The following ICE2 variants were observed in gnomAD, a reference collection of about 807,000 sequenced individuals.
ICE2 encodes the protein interactor of little elongation complex ELL subunit 2.
ICE2 carries 87 observed loss-of-function variants against 105.4 expected under a neutral mutation model. The ratio of observed to expected loss-of-function variants is 0.83; its 90% CI spans 0.69 to 0.99. ICE2 has a LOEUF of 0.99. ICE2 is among the 50% of genes least tolerant of loss of function. The pLI is 0.00. For synonymous variants in ICE2, 399 were observed against 392.0 expected (o/e 1.02, Z -0.21); for missense variants, 1,323 against 1,146.7 (o/e 1.15, Z -2.22).
chr15:60,433,106 A>G (rs938804439), intron 13 of ICE2, among the ~76,000 whole-genome samples: 4 of 150,248 alleles, frequency 2.7e-5, no homozygotes, highest in African/African-American at 9.8e-5. Flanking sequence ...TTTTTTTGAG[A>G]CAGAGTCTCG....
chr15:60,445,438 A>G (rs943052016), intron 11 of ICE2: 3 of 319,034 alleles, frequency 9.4e-6, no homozygotes, highest in Middle Eastern at 1.6e-3. Context: ...CATAATTCCA[A>G]GGGGCATACA....
At chr15:60,461,577 T>C (rs1169171734) in intron 5 of ICE2, among the ~76,000 whole-genome samples, 3 of 152,150 alleles carry the variant, frequency 2.0e-5, no homozygotes, top group Non-Finnish European at 4.4e-5. Flanking sequence ...TGGGGGAGAA[T>C]GAGAAGAGCA....
At chr15:60,468,014 C>T (rs1376750930) in intron 4 of ICE2, 47 bp downstream of exon 4, 1 of 1,432,060 alleles carries the variant, frequency 7.0e-7, no homozygotes, top group South Asian at 1.6e-5. Context: ...AAAAATATTT[C>T]CTAATTTTTA....
At chr15:60,465,288 C>G (rs1258769929) in intron 5 of ICE2, among the ~76,000 whole-genome samples, 1 of 151,966 alleles carries the variant, frequency 6.6e-6, no homozygotes, top group African/African-American at 2.4e-5. Context: ...ACCTCCTGGG[C>G]TTAAGTGATC....
intron 14 of ICE2, among the ~76,000 whole-genome samples, chr15:60,430,692 T>A (rs143763661): frequency 6.0e-4 from 91 of 152,304 alleles, no homozygotes; most frequent in Non-Finnish European, 1.0e-3. Flanking sequence ...AGTTAGATAA[T>A]AGAATTCTTC....
At chr15:60,464,793 G>A (rs911756017) in intron 5 of ICE2, among the ~76,000 whole-genome samples, 4 of 152,166 alleles carry the variant, frequency 2.6e-5, no homozygotes, top group Admixed American at 6.5e-5. Context: ...TGACGCAGAA[G>A]GATTTTTGAG....
chr15:60,452,945 T>C (rs1310371569), intron 9 of ICE2: 9 of 985,304 alleles, frequency 9.1e-6, no homozygotes, highest in Non-Finnish European at 1.1e-5. Context: ...AACTCTTAGA[T>C]ATGGGTCAGG....
chr15:60,444,695 T>A (rs751902783), intron 11 of ICE2, among the ~76,000 whole-genome samples: 18 of 152,194 alleles, frequency 1.2e-4, no homozygotes, highest in Non-Finnish European at 2.1e-4. Flanking sequence ...TATTATTATT[T>A]TTTTTTGAGA....
At chr15:60,474,311 A>G (rs1479670792) in intron 3 of ICE2, among the ~76,000 whole-genome samples, 1 of 152,162 alleles carries the variant, frequency 6.6e-6, no homozygotes, top group Non-Finnish European at 1.5e-5. Flanking sequence ...CAATCTGGCA[A>G]TATCTATCAA....
chr15:60,422,661 CCT>C lies in ICE2; in HGVS notation c.*971_*972del, dbSNP rs1200271581. ...ACCAGCCCGGCCAACATGGTAACAC[CCT>C]GTCTCTACTAAAAATACAAAAAAAA... On this transcript the variant is annotated 3_prime_UTR_variant, in exon 16 of 16. Transcript: ENST00000261520. 1 of 142,082 alleles carries C rather than the reference CCT, an allele frequency of 7.0e-6. No homozygotes were observed. Among genetic ancestry groups the C allele is most frequent in the African/African-American group, 2.5e-5 (1 of 40,194 alleles). 8.8% of individuals were successfully genotyped at this position (142,082 alleles called of 1,614,324 possible). A position where few individuals can be genotyped will look rare whatever the true frequency, so the allele number is the denominator to read the frequency against.
chr15:60,445,133 G>A (rs569820143), intron 11 of ICE2, among the ~76,000 whole-genome samples: 9 of 152,234 alleles, frequency 5.9e-5, no homozygotes, highest in African/African-American at 2.2e-4. Context: ...AAGAACTGAG[G>A]AAAAATAAAG....
intron 14 of ICE2, among the ~76,000 whole-genome samples, 197 bp downstream of exon 14, chr15:60,431,737 T>G (rs78087538): frequency 1.3e-5 from 2 of 152,146 alleles, no homozygotes; most frequent in African/African-American, 2.4e-5. Flanking sequence ...TACAGGAAAA[T>G]GTACTTGCAA....
At chr15:60,429,202 A>G (rs542370456) in intron 14 of ICE2, among the ~76,000 whole-genome samples, 3 of 152,374 alleles carry the variant, frequency 2.0e-5, no homozygotes, top group African/African-American at 7.2e-5. Context: ...AGGATAACAG[A>G]AACAATAGCA....
chr15:60,453,925 T>A, intron 8 of ICE2, 141 bp from the exon 9 acceptor site: 1 of 649,998 alleles, frequency 1.5e-6, no homozygotes, highest in Admixed American at 3.0e-5. Flanking sequence ...TTGCTACCCT[T>A]AGACTAGCAG....
chr15:60,469,612 C>T (rs1419836567), intron 3 of ICE2, among the ~76,000 whole-genome samples: 1 of 152,204 alleles, frequency 6.6e-6, no homozygotes, highest in Non-Finnish European at 1.5e-5. Context: ...TGTTATTCAT[C>T]TTTCAAAGAT....
At chr15:60,452,296 TAAGTAC>T (rs1473362247) in intron 9 of ICE2, 1 of 887,812 alleles carries the variant, frequency 1.1e-6, no homozygotes, top group Non-Finnish European at 1.3e-6. Flanking sequence ...TATGAGCTCT[TAAGTAC>T]AAGAAAAACA....
At position 60,459,026 on chromosome 15, in the gene ICE2, T is replaced by C. The variant is rs371233417; in HGVS notation, c.529-2232A>G. ...TTGGGAAGACGAAAAGTTCTGGAGA[T>C]GGATGGTGGTGATACCTGCATAACA... On this transcript the variant is annotated intron_variant, in intron 5 of 15. Coordinates refer to ENST00000261520, the MANE Select transcript of ICE2 (RefSeq NM_024611.6). Among the ~76,000 whole-genome samples the C allele has an allele frequency of 6.2e-4, 95 of 152,276 alleles. No individual in the cohort carries two copies. The South Asian group carries it at 0.019, about 31-fold the overall frequency.
Position 60,451,914 on chromosome 15 carries a change from G to A in ICE2, c.1125+1689C>T, listed in dbSNP as rs2063975985. The A allele has an allele frequency of 1.6e-5, 4 of 251,038 alleles. No homozygotes were observed. In the South Asian group the frequency reaches 4.4e-4, roughly 28 times the overall value. The allele number at this position is 251,038 out of a possible 1,614,324, so 15.6% of individuals were successfully genotyped here. A position where few individuals can be genotyped will look rare whatever the true frequency, so the allele number is the denominator to read the frequency against. On this transcript the variant is annotated intron_variant, in intron 9 of 15. Coordinates refer to ENST00000261520, the MANE Select transcript of ICE2 (RefSeq NM_024611.6). ...CCTTCTGGGAATCCTGTTTTCTTCA[G>A]TATCTCAGCCCTACAATTCCTCACT...
chr15:60,478,461 T>C (rs950058507), intron 1 of ICE2: 1 of 178,690 alleles, frequency 5.6e-6, no homozygotes, highest in Non-Finnish European at 1.2e-5. Flanking sequence ...GCAGGCACTT[T>C]ATGACAAAAG....
Sources: allele counts gnomAD v4.1 joint callset (sites outside exome capture counted in the v4.1 genomes callset), GRCh38; gene constraint gnomAD v4.1.1; transcripts MANE v1.5; gene names NCBI Gene and HGNC (gene_info 2026-07-23, HGNC 2026-07-21).